Variants in ARHGAP24 observed in about 807,000 individuals in gnomAD.
ARHGAP24 encodes rho GTPase-activating protein 24.
In ARHGAP24, 50 loss-of-function variants were observed where a neutral mutation model predicts 76.4. The observed-to-expected ratio is 0.65, with a 90% CI of 0.52 to 0.83. The LOEUF is 0.83. ARHGAP24 is among the 40% of genes least tolerant of loss of function. The pLI, the probability that ARHGAP24 is intolerant of heterozygous loss-of-function variation, is 0.00. For missense variants in ARHGAP24, 930 were observed against 914.2 expected, an observed-to-expected ratio of 1.02 and a Z score of -0.22; for synonymous variants, 345 against 323.3, an observed-to-expected ratio of 1.07 and a Z score of -0.72.
chr4:85,781,714 T>C (rs953968413), intron 3 of ARHGAP24, among the ~76,000 whole-genome samples: 1 of 152,010 alleles, frequency 6.6e-6, no homozygotes, highest in Non-Finnish European at 1.5e-5. Context: ...ATTTGGGATA[T>C]GCATATGTTT....
At chr4:85,502,662 C>T (rs1221703154) in intron 1 of ARHGAP24, among the ~76,000 whole-genome samples, 4 of 152,160 alleles carry the variant, frequency 2.6e-5, no homozygotes, top group Non-Finnish European at 4.4e-5. Context: ...ATGTCATCTC[C>T]ATACAGGGAC....
intron 3 of ARHGAP24, among the ~76,000 whole-genome samples, chr4:85,724,491 GTATATATATATATATATATATATA>G (rs60930279): frequency 2.8e-4 from 3 of 10,710 alleles, no homozygotes; most frequent in African/African-American, 3.7e-4. Context: ...TTCCATGTGT[GTATATATATATATATATATATATA>G]TATATATATA....
chr4:85,491,658 A>G (rs756624771), intron 1 of ARHGAP24, among the ~76,000 whole-genome samples: 1 of 152,162 alleles, frequency 6.6e-6, no homozygotes, highest in East Asian at 1.9e-4. Flanking sequence ...GATGGTTTTT[A>G]TCTAGGCTGT....
intron 2 of ARHGAP24, among the ~76,000 whole-genome samples, chr4:85,612,439 G>C (rs1720423730): frequency 1.0e-5 from 1 of 96,038 alleles, no homozygotes; most frequent in South Asian, 5.3e-4. Context: ...GCAAGACTCT[G>C]TTTCAAAAAA....
At chr4:85,933,325 T>C (rs1421017048) in intron 4 of ARHGAP24, among the ~76,000 whole-genome samples, 1 of 152,182 alleles carries the variant, frequency 6.6e-6, no homozygotes, top group East Asian at 1.9e-4. Context: ...AGAGGAGACA[T>C]GCTGCATTTC....
chr4:85,864,445 G>T (rs1035739920), intron 3 of ARHGAP24, among the ~76,000 whole-genome samples: 1 of 152,006 alleles, frequency 6.6e-6, no homozygotes, highest in Non-Finnish European at 1.5e-5. Context: ...ATGTTAAGAG[G>T]ATGGAATTAA....
chr4:85,768,684 G>A (rs1727021094), intron 3 of ARHGAP24, among the ~76,000 whole-genome samples: 1 of 152,196 alleles, frequency 6.6e-6, no homozygotes, highest in Non-Finnish European at 1.5e-5. Context: ...GGCTGAGGTA[G>A]GAGAATCGCT....
intron 3 of ARHGAP24, among the ~76,000 whole-genome samples, chr4:85,857,750 T>C (rs4693748): frequency 0.48 from 72,383 of 152,004 alleles, 18,748 homozygotes; most frequent in East Asian, 0.86. Context: ...TTGTAAGATA[T>C]ACAATATTAA....
chr4:85,938,343 A>G (rs1560731435), intron 4 of ARHGAP24, among the ~76,000 whole-genome samples: 1 of 152,154 alleles, frequency 6.6e-6, no homozygotes, highest in South Asian at 2.1e-4. Context: ...CATGACCCAC[A>G]TCCCAGGGAA....
chr4:85,626,083 A>G (rs1308846654), intron 2 of ARHGAP24, among the ~76,000 whole-genome samples: 1 of 152,172 alleles, frequency 6.6e-6, no homozygotes, highest in Non-Finnish European at 1.5e-5. Context: ...TAAAGTTAAT[A>G]TTGTGATGTG....
At chr4:85,627,238 C>A (rs558033893) in intron 2 of ARHGAP24, among the ~76,000 whole-genome samples, 1 of 151,994 alleles carries the variant, frequency 6.6e-6, no homozygotes, top group Non-Finnish European at 1.5e-5. Flanking sequence ...TGGTGACGTA[C>A]AGATGGGTTT....
At chr4:85,956,918 C>T (rs535066807) in intron 5 of ARHGAP24, among the ~76,000 whole-genome samples, 2 of 152,258 alleles carry the variant, frequency 1.3e-5, no homozygotes, top group Admixed American at 1.3e-4. Context: ...AGGGAGGGGA[C>T]CCAAAGAGGG....
At chr4:85,710,796 A>G (rs1007281656) in intron 2 of ARHGAP24, among the ~76,000 whole-genome samples, 1 of 152,172 alleles carries the variant, frequency 6.6e-6, no homozygotes, top group African/African-American at 2.4e-5. Flanking sequence ...CTGTTATTAA[A>G]ACGTCAAAAA....
At chr4:85,484,593 TTG>T (rs1217733913) in intron 1 of ARHGAP24, among the ~76,000 whole-genome samples, 12 of 152,116 alleles carry the variant, frequency 7.9e-5, no homozygotes, top group African/African-American at 2.9e-4. Flanking sequence ...CCTTTGTGCG[TTG>T]TGTGTAATGT....
intron 3 of ARHGAP24, among the ~76,000 whole-genome samples, chr4:85,862,434 G>T (rs1188667843): frequency 1.3e-5 from 2 of 152,030 alleles, no homozygotes; most frequent in African/African-American, 4.8e-5. Context: ...GCTGGGATTG[G>T]CTAAGACTCG....
At chr4:85,916,801 T>C (rs916819207) in intron 3 of ARHGAP24, among the ~76,000 whole-genome samples, 1 of 152,202 alleles carries the variant, frequency 6.6e-6, no homozygotes, top group Non-Finnish European at 1.5e-5. Context: ...TTTGTGCAAC[T>C]GCAACTTGTT....
intron 1 of ARHGAP24, among the ~76,000 whole-genome samples, chr4:85,478,354 G>A (rs950270728): frequency 2.0e-5 from 3 of 152,180 alleles, no homozygotes; most frequent in Admixed American, 6.5e-5. Context: ...GTCTCGCAAT[G>A]GTAACCCATC....
At position 85,916,973 on chromosome 4, in the gene ARHGAP24, A is replaced by G. The variant is rs148326559; in HGVS notation, c.269-6675A>G. ...CATGTGCACGATGTGCAGGTTAGTTACATATGTATACATGTGCCATATTGG... is the reference window on the plus strand; with the variant it reads ...CATGTGCACGATGTGCAGGTTAGTTGCATATGTATACATGTGCCATATTGG... On this transcript the variant is annotated intron_variant, in intron 3 of 9. Coordinates refer to ENST00000395184, the MANE Select transcript of ARHGAP24 (RefSeq NM_001025616.3). Among the ~76,000 whole-genome samples the G allele has an allele frequency of 5.9e-3, 895 of 152,268 alleles. 14 individuals are homozygous for G. Among genetic ancestry groups the G allele is most frequent in the African/African-American group, 0.021 (855 of 41,536 alleles).
chr4:85,845,461 A>G (rs931149921), intron 3 of ARHGAP24, among the ~76,000 whole-genome samples: 2 of 152,202 alleles, frequency 1.3e-5, no homozygotes, highest in African/African-American at 4.8e-5. Flanking sequence ...CTTACTCCCA[A>G]ACTATAGGTA....
Sources: gnomAD v4.1 joint callset for allele counts (sites outside exome capture counted in the v4.1 genomes callset) on GRCh38, gnomAD v4.1.1 for gene constraint, MANE v1.5 for transcripts, NCBI Gene and HGNC (gene_info 2026-07-23, HGNC 2026-07-21) for gene names.